The following WHRN variants were observed in gnomAD, a reference collection of about 807,000 sequenced individuals.
WHRN encodes the protein whirlin.
In WHRN, 41 loss-of-function variants were observed where a neutral mutation model predicts 68.3. The ratio of observed to expected loss-of-function variants is 0.60; its 90% CI spans 0.47 to 0.78. The LOEUF (loss-of-function observed/expected upper bound fraction) is 0.78. Ranked by LOEUF, WHRN falls within the 30% of genes least tolerant of loss-of-function variation. The pLI, the probability that WHRN is intolerant of heterozygous loss-of-function variation, is 0.00. For missense variants in WHRN, 1,243 were observed against 1,244.7 expected (o/e 1.00, Z 0.02); for synonymous variants, 560 against 561.3 (o/e 1.00, Z 0.03).
intron 1 of WHRN, among the ~76,000 whole-genome samples, chr9:114,492,592 C>CT (rs1476379474): frequency 3.3e-5 from 5 of 152,178 alleles, no homozygotes; most frequent in Non-Finnish European, 7.3e-5. Flanking sequence ...ACAGGGTACT[C>CT]TAATTGTCAA....
In WHRN at chr9:114,420,663, C is replaced by A. The variant is rs190978129; in HGVS notation, c.1626+2651G>T. Among the ~76,000 whole-genome samples, 4 of 152,244 alleles carry A rather than the reference C, an allele frequency of 2.6e-5. No homozygotes were observed. In the East Asian group the frequency reaches 5.8e-4, roughly 22 times the overall value. On this transcript the variant is annotated intron_variant, in intron 7 of 11. Coordinates refer to ENST00000362057, the MANE Select transcript of WHRN (RefSeq NM_015404.4). ...AGGGGGGCGGTGGCAGTCCTTCAGCCTAGCACTTTCCAGACCCTCCACGAG... is the reference window on the plus strand; with the variant it reads ...AGGGGGGCGGTGGCAGTCCTTCAGCATAGCACTTTCCAGACCCTCCACGAG...
chr9:114,477,141 G>C (rs1009452424), intron 2 of WHRN, among the ~76,000 whole-genome samples: 1 of 152,230 alleles, frequency 6.6e-6, no homozygotes, highest in Non-Finnish European at 1.5e-5. Context: ...ACCTCCAATA[G>C]AAGCTGCTGT....
At chr9:114,404,263 C>T (rs562697827) in intron 9 of WHRN, among the ~76,000 whole-genome samples, 186 bp from the exon 10 acceptor site, 1 of 152,344 alleles carries the variant, frequency 6.6e-6, no homozygotes, top group Non-Finnish European at 1.5e-5. Flanking sequence ...TCCACCTACT[C>T]AAGACCTGTC....
intron 1 of WHRN, among the ~76,000 whole-genome samples, chr9:114,492,330 G>A (rs951004915): frequency 6.6e-6 from 1 of 152,056 alleles, no homozygotes; most frequent in Non-Finnish European, 1.5e-5. Flanking sequence ...GAATGTGCAG[G>A]GATGTCTAAA....
At chr9:114,442,868 C>T (rs959828313) in intron 3 of WHRN, among the ~76,000 whole-genome samples, 5 of 152,064 alleles carry the variant, frequency 3.3e-5, no homozygotes, top group East Asian at 1.9e-4. Flanking sequence ...TTTAGAGCAA[C>T]GCAAAACGCA....
chr9:114,466,219 C>A (rs778905445), intron 3 of WHRN, 48 bp downstream of exon 3: 2 of 1,611,996 alleles, frequency 1.2e-6, no homozygotes, highest in South Asian at 2.2e-5. Context: ...AAATCAGCAG[C>A]AAAGAGCTCC....
chr9:114,418,233 G>A (rs1271227320), intron 7 of WHRN, among the ~76,000 whole-genome samples: 1 of 152,152 alleles, frequency 6.6e-6, no homozygotes, highest in Non-Finnish European at 1.5e-5. Flanking sequence ...GCAAAAGGCA[G>A]TCGCTCCTGA....
chr9:114,485,858 T>C lies in WHRN; in HGVS notation c.619-7087A>G, dbSNP rs548960474. Among the ~76,000 whole-genome samples the C allele has an allele frequency of 2.3e-3, 343 of 151,766 alleles. 5 individuals are homozygous for C. In the South Asian group the frequency reaches 0.033, roughly 14 times the overall value. On this transcript the variant is annotated intron_variant, in intron 1 of 11. Transcript: ENST00000362057. ...CACAAAAAAAATTTTTTTTTTAAAA[T>C]TTAAAATTATCCAGGCATAATGGTG...
chr9:114,442,462 AG>A (rs2132604102), intron 3 of WHRN, among the ~76,000 whole-genome samples: 1 of 152,330 alleles, frequency 6.6e-6, no homozygotes, highest in South Asian at 2.1e-4. Flanking sequence ...AAATAGATAA[AG>A]CAAATGTGGC....
At chr9:114,492,260 C>T (rs1302857970) in intron 1 of WHRN, among the ~76,000 whole-genome samples, 2 of 152,060 alleles carry the variant, frequency 1.3e-5, no homozygotes, top group African/African-American at 4.8e-5. Context: ...GCCTCTCCCC[C>T]GAGCCAATGC....
chr9:114,470,417 G>T (rs1256153899), intron 2 of WHRN, among the ~76,000 whole-genome samples: 1 of 152,176 alleles, frequency 6.6e-6, no homozygotes, highest in Non-Finnish European at 1.5e-5. Context: ...AGGAGAGTGG[G>T]GGAAATGGCT....
chr9:114,426,098 G>T, intron 4 of WHRN, 113 bp downstream of exon 4: 2 of 1,379,946 alleles, frequency 1.4e-6, no homozygotes, highest in Non-Finnish European at 2.0e-6. Context: ...CCCTGGTGTG[G>T]GGACTGCAGG....
intron 1 of WHRN, among the ~76,000 whole-genome samples, chr9:114,485,766 G>T (rs1420979633): frequency 6.6e-6 from 1 of 151,546 alleles, no homozygotes; most frequent in Non-Finnish European, 1.5e-5. Context: ...GCACTTTGGG[G>T]GACAGAGGCA....
intron 3 of WHRN, among the ~76,000 whole-genome samples, chr9:114,441,807 T>A (rs1838397142): frequency 1.3e-5 from 2 of 152,178 alleles, no homozygotes; most frequent in South Asian, 4.1e-4. Flanking sequence ...AACAACTGAA[T>A]CAGGGAAAAC....
At chr9:114,465,962 C>A (rs574935682) in intron 3 of WHRN, among the ~76,000 whole-genome samples, 1 of 152,332 alleles carries the variant, frequency 6.6e-6, no homozygotes, top group African/African-American at 2.4e-5. Flanking sequence ...CAGCTTATCA[C>A]TTTCTCTCCT....
At chr9:114,426,690 A>AG (rs1293309051) in intron 3 of WHRN, among the ~76,000 whole-genome samples, 2 of 152,192 alleles carry the variant, frequency 1.3e-5, no homozygotes, top group African/African-American at 4.8e-5. Context: ...TGACATTCCA[A>AG]GGGTCCCCTT....
intron 2 of WHRN, among the ~76,000 whole-genome samples, chr9:114,470,259 T>C (rs1403208342): frequency 2.0e-5 from 3 of 152,074 alleles, no homozygotes; most frequent in East Asian, 1.9e-4. Flanking sequence ...CCAATGAGAC[T>C]TGAAGGCTGG....
In WHRN at chr9:114,410,181, T is replaced by C. The variant is rs12340698; in HGVS notation, c.1627-2163A>G. ...ACTGCCCCACCCCCATCCCTGTCTA[T>C]CCCGTTCCTGCTTTGGTTTTCTGTG... is the stretch of plus-strand genomic sequence containing the variant. On this transcript the variant is annotated intron_variant, in intron 7 of 11. Transcript: ENST00000362057. 2.3e-3 allele frequency among the ~76,000 whole-genome samples: 354 copies of C among 152,274 alleles called. 1 individual carries two copies. Among genetic ancestry groups the C allele is most frequent in the African/African-American group, 7.3e-3 (302 of 41,552 alleles).
At chr9:114,451,460 G>C (rs1028168491) in intron 3 of WHRN, among the ~76,000 whole-genome samples, 3 of 152,174 alleles carry the variant, frequency 2.0e-5, no homozygotes, top group African/African-American at 7.2e-5. Flanking sequence ...ACCTGGACAG[G>C]GCTGGGCCTG....
Sources: gnomAD v4.1 joint callset for allele counts (sites outside exome capture counted in the v4.1 genomes callset) on GRCh38, gnomAD v4.1.1 for gene constraint, MANE v1.5 for transcripts, NCBI Gene and HGNC (gene_info 2026-07-23, HGNC 2026-07-21) for gene names.